TRPC3: variants seen among roughly 807,000 people sequenced by gnomAD.
TRPC3 encodes the protein short transient receptor potential channel 3.
Under a neutral mutation model 90.9 loss-of-function variants are expected in TRPC3, and 54 were observed. That is an observed-to-expected ratio of 0.59 (90% CI 0.48 to 0.75). TRPC3 has a LOEUF of 0.75. Among genes scored for constraint, TRPC3 ranks in the 30% least tolerant of loss-of-function variants. The probability of loss-of-function intolerance (pLI) is 0.00; values close to 1 mark genes in which losing one functional copy is unlikely to be tolerated. For missense variants in TRPC3, 918 were observed against 1,194.5 expected, an observed-to-expected ratio of 0.77 and a Z score of 3.41; for synonymous variants, 424 against 450.9, an observed-to-expected ratio of 0.94 and a Z score of 0.75.
At chr4:121,945,633 A>G (rs1730457438) in intron 1 of TRPC3, among the ~76,000 whole-genome samples, 1 of 152,180 alleles carries the variant, frequency 6.6e-6, no homozygotes, top group African/African-American at 2.4e-5. Context: ...GGAATTGGCT[A>G]TATAAAAAGT....
chr4:121,918,480 T>C (rs970456347), intron 3 of TRPC3, among the ~76,000 whole-genome samples: 1 of 152,222 alleles, frequency 6.6e-6, no homozygotes, highest in African/African-American at 2.4e-5. Flanking sequence ...TTATAAAGAT[T>C]GCACAGCTTC....
chr4:121,907,638 T>C, intron 6 of TRPC3, 71 bp from the exon 7 acceptor site: 1 of 1,498,656 alleles, frequency 6.7e-7, no homozygotes, highest in Non-Finnish European at 9.0e-7. Context: ...AGCAAATACC[T>C]TAAATAGGAT....
At chr4:121,917,495 G>C (rs771704243) in intron 3 of TRPC3, among the ~76,000 whole-genome samples, 1 of 152,118 alleles carries the variant, frequency 6.6e-6, no homozygotes, top group South Asian at 2.1e-4. Flanking sequence ...AGTATATTGG[G>C]CAAGTGTATT....
intron 4 of TRPC3, among the ~76,000 whole-genome samples, chr4:121,912,801 T>C (rs1729156144): frequency 6.6e-6 from 1 of 152,242 alleles, no homozygotes; most frequent in Non-Finnish European, 1.5e-5. Flanking sequence ...ATAATTATTT[T>C]AAGGTGACTC....
chr4:121,886,764 T>C (rs917000641), intron 10 of TRPC3, among the ~76,000 whole-genome samples: 1 of 152,166 alleles, frequency 6.6e-6, no homozygotes, highest in African/African-American at 2.4e-5. Flanking sequence ...TTAAAATATC[T>C]TCTCTTGTAG....
At chr4:121,944,238 A>G (rs1730416014) in intron 1 of TRPC3, among the ~76,000 whole-genome samples, 1 of 152,138 alleles carries the variant, frequency 6.6e-6, no homozygotes, top group Admixed American at 6.5e-5. Context: ...CCCTCCTTAG[A>G]AGAATGCCCA....
rs1728165007 is a variant in TRPC3, at chr4:121,887,476, G to T, written c.2548-5047C>A. On this transcript the variant is annotated intron_variant, in intron 10 of 11. Transcript: ENST00000379645. ...ATGTGCCTGAAGCTCACTGTGAGTGGAGTTCAGGAACATCTCATTTTGCCC... is the reference window on the plus strand; with the variant it reads ...ATGTGCCTGAAGCTCACTGTGAGTGTAGTTCAGGAACATCTCATTTTGCCC... Among the ~76,000 whole-genome samples, 3 of 152,122 alleles carry T rather than the reference G, an allele frequency of 2.0e-5. No individual in the cohort carries two copies. The South Asian group carries it at 6.2e-4, about 32-fold the overall frequency.
chr4:121,940,664 A>G (rs145955975), intron 1 of TRPC3, among the ~76,000 whole-genome samples: 70 of 152,352 alleles, frequency 4.6e-4, no homozygotes, highest in Admixed American at 2.2e-3. Flanking sequence ...GATTCTGTTC[A>G]GTATGAAATG....
chr4:121,945,283 C>T (rs1258432344), intron 1 of TRPC3, among the ~76,000 whole-genome samples: 1 of 152,168 alleles, frequency 6.6e-6, no homozygotes, highest in African/African-American at 2.4e-5. Context: ...AGGAGTGTAT[C>T]ATAGGGATGT....
Position 121,902,893 on chromosome 4 carries a change from G to T in TRPC3, c.2422C>A (p.Gln808Lys). ...NFPKCRRRRL[Q>K]KDIEMGMGNS... Reference sequence around the variant, plus strand: ...CCCATTCCCATTTCTATATCCTTCTGAAGCCTTCTCCTTCTGCATTTGGGA... The same window carrying T: ...CCCATTCCCATTTCTATATCCTTCTTAAGCCTTCTCCTTCTGCATTTGGGA... Residue 808 changes from glutamine to lysine, a missense_variant, in exon 9 of 12, where the codon CAG becomes AAG. Physicochemically the swap from Gln to Lys is moderately conservative, Grantham distance 53. Transcript: ENST00000379645. The T allele has an allele frequency of 1.2e-6, 2 of 1,613,108 alleles. No individual in the cohort carries two copies. The highest frequency in any genetic ancestry group is 1.7e-6 in the Non-Finnish European group (2 of 1,179,576).
At chr4:121,901,944 G>A (rs1728719460) in intron 9 of TRPC3, among the ~76,000 whole-genome samples, 2 of 152,154 alleles carry the variant, frequency 1.3e-5, no homozygotes, top group African/African-American at 2.4e-5. Flanking sequence ...GATTTAAAAG[G>A]TCACTTTCTT....
chr4:121,945,556 G>A (rs1274278393), intron 1 of TRPC3, among the ~76,000 whole-genome samples: 4 of 152,142 alleles, frequency 2.6e-5, no homozygotes, highest in African/African-American at 9.7e-5. Context: ...CAATGCTAGA[G>A]AACGCCCAGA....
Position 121,904,517 on chromosome 4 carries a change from A to G in TRPC3, c.2058T>C (p.Thr686=), listed in dbSNP as rs1168129549. Residue 686 remains threonine, a splice_region_variant and synonymous_variant, in exon 8 of 12, where the codon ACT becomes ACC. Transcript: ENST00000379645. The part of the protein sequence containing the change: ...LGAKVNAAFT[T]VEESFKTLFW... ...ATAAAGTCTTGAAACTTTCTTCTAC[A>G]CTGTTGAAAAAATAAGATACAAAGT... is the stretch of plus-strand genomic sequence containing the variant. The G allele has an allele frequency of 1.3e-6, 2 of 1,539,706 alleles. No individual in the cohort carries two copies. The highest frequency in any genetic ancestry group is 2.3e-5 in the Admixed American group (1 of 43,512).
chr4:121,933,158 G>C (rs1253252037), intron 1 of TRPC3, 116 bp from the exon 2 acceptor site: 7 of 1,408,608 alleles, frequency 5.0e-6, no homozygotes, highest in Non-Finnish European at 6.5e-6. Context: ...GGCTGCAGGG[G>C]TCGGCTCAGT....
intron 6 of TRPC3, among the ~76,000 whole-genome samples, chr4:121,908,422 C>A (rs1437856358): frequency 6.6e-6 from 1 of 152,110 alleles, no homozygotes; most frequent in African/African-American, 2.4e-5. Context: ...AAGACACATG[C>A]ACTTGCATCT....
At chr4:121,911,431 CCA>C (rs1171727446) in intron 5 of TRPC3, among the ~76,000 whole-genome samples, 2 of 152,054 alleles carry the variant, frequency 1.3e-5, no homozygotes, top group African/African-American at 4.8e-5. Flanking sequence ...ATAGTAAAAA[CCA>C]CAGTTATTTT....
chr4:121,950,681 G>GGAAA (rs1317682527), intron 1 of TRPC3: 8 of 152,254 alleles, frequency 5.3e-5, no homozygotes, highest in African/African-American at 1.9e-4. Flanking sequence ...AGAGAGAGAG[G>GGAAA]GAAAGAAAGA....
chr4:121,945,779 CA>C (rs1730466729), intron 1 of TRPC3, among the ~76,000 whole-genome samples: 1 of 151,966 alleles, frequency 6.6e-6, no homozygotes, highest in South Asian at 2.1e-4. Flanking sequence ...GTGGGGATAC[CA>C]GGGGGGCAGG....
chr4:121,891,753 T>C (rs1417481511), intron 10 of TRPC3, among the ~76,000 whole-genome samples: 1 of 152,196 alleles, frequency 6.6e-6, no homozygotes, highest in Non-Finnish European at 1.5e-5. Flanking sequence ...GTATCTTCTA[T>C]CAGTTTCTCC....
Sources: allele counts gnomAD v4.1 joint callset (sites outside exome capture counted in the v4.1 genomes callset), GRCh38; gene constraint gnomAD v4.1.1; transcripts MANE v1.5; gene names NCBI Gene and HGNC (gene_info 2026-07-23, HGNC 2026-07-21).